IL1RAPL2: variants seen among roughly 807,000 people sequenced by gnomAD.
IL1RAPL2 encodes the protein X-linked interleukin-1 receptor accessory protein-like 2.
A neutral mutation model predicts 44.1 loss-of-function variants in IL1RAPL2; 3 were observed. The observed-to-expected ratio is 0.07, with a 90% CI of 0.03 to 0.18. The LOEUF (loss-of-function observed/expected upper bound fraction) is 0.18. IL1RAPL2 is among the 10% of genes least tolerant of loss of function. The pLI is 1.00. For synonymous variants in IL1RAPL2, 181 were observed against 178.8 expected (o/e 1.01, Z -0.10); for missense variants, 391 against 496.4 (o/e 0.79, Z 2.02).
chrX:105,097,252 G>A (rs780416735), intron 2 of IL1RAPL2, among the ~76,000 whole-genome samples: 3 of 103,970 alleles, frequency 2.9e-5, no homozygotes, highest in Non-Finnish European at 5.9e-5. Context: ...GCATGAACCC[G>A]GGAGGCGGAG....
intron 1 of IL1RAPL2, among the ~76,000 whole-genome samples, chrX:104,582,646 T>TTCTTTCTC (rs1569487545): frequency 2.1e-4 from 19 of 90,650 alleles, no homozygotes; most frequent in Non-Finnish European, 3.2e-4. Flanking sequence ...CTTTCTCTCT[T>TTCTTTCTC]TCTTTCTTTC....
chrX:104,733,518 G>T (rs1931960059), intron 2 of IL1RAPL2, among the ~76,000 whole-genome samples: 1 of 109,507 alleles, frequency 9.1e-6, no homozygotes. Context: ...TACTCAGGAG[G>T]CTGAGGCAGG....
chrX:104,956,110 C>T (rs772741361), intron 2 of IL1RAPL2, among the ~76,000 whole-genome samples: 1 of 112,075 alleles, frequency 8.9e-6, no homozygotes, highest in Non-Finnish European at 1.9e-5. Context: ...TTCAAAAGAG[C>T]CTGATCTCTT....
intron 2 of IL1RAPL2, among the ~76,000 whole-genome samples, chrX:104,934,018 GT>G (rs1240435220): frequency 2.7e-5 from 3 of 111,907 alleles, no homozygotes; most frequent in Non-Finnish European, 5.6e-5. Flanking sequence ...ATAAAAATGG[GT>G]TTTTAAAGGA....
chrX:105,110,317 C>T (rs1385744580), intron 2 of IL1RAPL2, among the ~76,000 whole-genome samples: 7 of 112,203 alleles, frequency 6.2e-5, no homozygotes, highest in African/African-American at 1.9e-4. Flanking sequence ...AGTTCTTTTG[C>T]GGAAAATTTT....
chrX:105,461,693 A>G (rs1366887872), intron 5 of IL1RAPL2, among the ~76,000 whole-genome samples: 1 of 111,383 alleles, frequency 9.0e-6, no homozygotes, highest in African/African-American at 3.3e-5. Context: ...GAACAATCCT[A>G]TCCTGTCAAA....
At chrX:105,218,561 C>G (rs142824663) in intron 3 of IL1RAPL2, among the ~76,000 whole-genome samples, 1,461 of 111,214 alleles carry the variant, frequency 0.013, 5 homozygotes, top group Non-Finnish European at 0.02. Flanking sequence ...ACATGGTTGC[C>G]TCTTTTACCA....
intron 5 of IL1RAPL2, among the ~76,000 whole-genome samples, chrX:105,435,796 A>C (rs778982464): frequency 2.1e-4 from 23 of 111,518 alleles, no homozygotes; most frequent in Non-Finnish European, 3.4e-4. Context: ...ACAGGAACAG[A>C]AAACCAAACA....
intron 10 of IL1RAPL2, among the ~76,000 whole-genome samples, chrX:105,761,439 A>G (rs762303320): frequency 8.1e-5 from 9 of 111,314 alleles, no homozygotes; most frequent in South Asian, 3.8e-4. Context: ...AAACTCAGAT[A>G]GTATTTTTAG....
chrX:104,670,867 A>G (rs769575064), intron 2 of IL1RAPL2, among the ~76,000 whole-genome samples: 28 of 111,550 alleles, frequency 2.5e-4, no homozygotes, highest in Non-Finnish European at 3.2e-4. Context: ...GTTTTTAGTT[A>G]TAGATGTACA....
chrX:104,941,091 C>T lies in IL1RAPL2; in HGVS notation c.83-254384C>T, dbSNP rs760525104. ...TGTATATGTGCCACATTTTCTTAATCCAGTCTATCATTGATGGACATTTGG... is the reference window on the plus strand; with the variant it reads ...TGTATATGTGCCACATTTTCTTAATTCAGTCTATCATTGATGGACATTTGG... On this transcript the variant is annotated intron_variant, in intron 2 of 10. Coordinates refer to ENST00000372582, the MANE Select transcript of IL1RAPL2 (RefSeq NM_017416.2). Among the ~76,000 whole-genome samples, 989 of 110,634 alleles carry T rather than the reference C, an allele frequency of 8.9e-3. 7 individuals carry two copies. The highest frequency in any genetic ancestry group is 0.031 in the African/African-American group (930 of 30,369).
At chrX:105,639,537 G>A (rs945534995) in intron 6 of IL1RAPL2, among the ~76,000 whole-genome samples, 2 of 111,134 alleles carry the variant, frequency 1.8e-5, no homozygotes, top group Admixed American at 9.6e-5. Context: ...TCTGTGCTTC[G>A]AATTAAATAT....
intron 5 of IL1RAPL2, among the ~76,000 whole-genome samples, chrX:105,359,001 G>A (rs925937164): frequency 8.9e-6 from 1 of 111,964 alleles, no homozygotes; most frequent in Non-Finnish European, 1.9e-5. Flanking sequence ...GAAACAAGGG[G>A]GCTAGGCTTT....
intron 6 of IL1RAPL2, among the ~76,000 whole-genome samples, chrX:105,699,540 A>T (rs977328519): frequency 1.8e-5 from 2 of 111,623 alleles, no homozygotes; most frequent in African/African-American, 6.5e-5. Context: ...TTGGACTAGA[A>T]CCCAGGTGTT....
intron 6 of IL1RAPL2, among the ~76,000 whole-genome samples, chrX:105,499,699 T>C (rs1336467703): frequency 9.0e-6 from 1 of 111,596 alleles, no homozygotes; most frequent in Non-Finnish European, 1.9e-5. Context: ...AGCTATCACC[T>C]CATACCTGTT....
At chrX:105,194,621 G>A (rs1005707185) in intron 2 of IL1RAPL2, among the ~76,000 whole-genome samples, 2 of 111,160 alleles carry the variant, frequency 1.8e-5, no homozygotes, top group Non-Finnish European at 3.8e-5. Context: ...ATTCCCATGA[G>A]CACTCGGCAG....
chrX:105,190,925 A>G (rs953991115), intron 2 of IL1RAPL2, among the ~76,000 whole-genome samples: 1 of 112,295 alleles, frequency 8.9e-6, no homozygotes, highest in Non-Finnish European at 1.9e-5. Context: ...TTATCTATAA[A>G]GAGGCCAAAT....
At chrX:105,605,051 C>A (rs2037283536) in intron 6 of IL1RAPL2, among the ~76,000 whole-genome samples, 1 of 110,617 alleles carries the variant, frequency 9.0e-6, no homozygotes, top group African/African-American at 3.3e-5. Flanking sequence ...ACAAGGATAT[C>A]CACTTTCAAC....
chrX:105,590,813 TTGTGTGTGTGTGTGTG>T (rs199802193), intron 6 of IL1RAPL2, among the ~76,000 whole-genome samples: 5 of 97,196 alleles, frequency 5.1e-5, no homozygotes, highest in African/African-American at 2.0e-4. Context: ...TGGCCTGAAT[TTGTGTGTGTGTGTGTG>T]TGTGTGTGTG....
Sources: gnomAD v4.1 joint callset for allele counts (sites outside exome capture counted in the v4.1 genomes callset) on GRCh38, gnomAD v4.1.1 for gene constraint, MANE v1.5 for transcripts, NCBI Gene and HGNC (gene_info 2026-07-23, HGNC 2026-07-21) for gene names.